The following RABGAP1L variants were observed in gnomAD, a reference collection of about 807,000 sequenced individuals.
RABGAP1L encodes the protein rab GTPase-activating protein 1-like.
Under a neutral mutation model 137.7 loss-of-function variants are expected in RABGAP1L, and 63 were observed. The observed-to-expected ratio is 0.46, with a 90% CI of 0.37 to 0.56. RABGAP1L has a LOEUF of 0.56. Among genes scored for constraint, RABGAP1L ranks in the 20% least tolerant of loss-of-function variants. The probability of loss-of-function intolerance (pLI) is 0.00; values close to 1 mark genes in which losing one functional copy is unlikely to be tolerated. For missense variants in RABGAP1L, 1,095 were observed against 1,244.0 expected, an observed-to-expected ratio of 0.88 and a Z score of 1.80; for synonymous variants, 431 against 433.7, an observed-to-expected ratio of 0.99 and a Z score of 0.08.
At chr1:174,460,338 T>G (rs1656537938) in intron 13 of RABGAP1L, among the ~76,000 whole-genome samples, 1 of 152,130 alleles carries the variant, frequency 6.6e-6, no homozygotes, top group African/African-American at 2.4e-5. Context: ...AAAAAGAGAC[T>G]AAATTACGCA....
At chr1:174,326,720 A>G (rs531538606) in intron 11 of RABGAP1L, among the ~76,000 whole-genome samples, 4 of 152,228 alleles carry the variant, frequency 2.6e-5, no homozygotes, top group East Asian at 1.9e-4. Flanking sequence ...AGATTTACCA[A>G]TCAGGTTTAA....
chr1:174,489,752 C>A (rs1266358312), intron 13 of RABGAP1L, among the ~76,000 whole-genome samples: 2 of 152,148 alleles, frequency 1.3e-5, no homozygotes, highest in Non-Finnish European at 2.9e-5. Flanking sequence ...CGCCACTATT[C>A]ACAATAGCAA....
intron 12 of RABGAP1L, among the ~76,000 whole-genome samples, chr1:174,380,427 T>C (rs1375117592): frequency 6.6e-6 from 1 of 151,326 alleles, no homozygotes; most frequent in Non-Finnish European, 1.5e-5. Flanking sequence ...CTGGACTCTT[T>C]TTGGTTGGTA....
intron 1 of RABGAP1L, 134 bp downstream of exon 1, chr1:174,159,791 G>A (rs1664263187): frequency 6.6e-6 from 1 of 152,430 alleles, no homozygotes; most frequent in Admixed American, 6.5e-5. Flanking sequence ...CGAGGACTGG[G>A]ATGCGGGAGG....
chr1:174,554,015 A>G (rs1414798161), intron 13 of RABGAP1L, among the ~76,000 whole-genome samples: 3 of 152,168 alleles, frequency 2.0e-5, no homozygotes, highest in Non-Finnish European at 4.4e-5. Flanking sequence ...GCATAGAATT[A>G]GAAGGAATTA....
chr1:174,477,541 T>C (rs533414684), intron 13 of RABGAP1L, among the ~76,000 whole-genome samples: 21 of 152,332 alleles, frequency 1.4e-4, no homozygotes, highest in African/African-American at 5.1e-4. Context: ...CATAATTTTC[T>C]GGTATTTGCT....
At chr1:174,922,999 C>T (rs1306245598) in intron 19 of RABGAP1L, among the ~76,000 whole-genome samples, 2 of 152,030 alleles carry the variant, frequency 1.3e-5, no homozygotes, top group Non-Finnish European at 2.9e-5. Context: ...CAGAGGGAGA[C>T]CTTGTCTCTA....
chr1:174,278,806 A>G lies in RABGAP1L; in HGVS notation c.1323+27A>G, dbSNP rs773006986. On this transcript the variant is annotated intron_variant, in intron 10 of 25. Coordinates refer to ENST00000681986, the MANE Select transcript of RABGAP1L (RefSeq NM_001366446.1). ...TAGGACCTTTTTGTTCTCTTCATAT[A>G]TAGTAACAAACATTTTTCTTTCCAC... 2.1e-5 allele frequency: 30 copies of G among 1,409,558 alleles called. No homozygotes were observed. In the Admixed American group the frequency reaches 5.1e-4, roughly 24 times the overall value. The allele number at this position is 1,409,558 out of a possible 1,614,324, so 87.3% of individuals were successfully genotyped here.
At chr1:174,838,453 A>G (rs1692986481) in intron 19 of RABGAP1L, among the ~76,000 whole-genome samples, 1 of 152,212 alleles carries the variant, frequency 6.6e-6, no homozygotes, top group South Asian at 2.1e-4. Context: ...CATTTGACCT[A>G]AAGCATTCAG....
intron 13 of RABGAP1L, among the ~76,000 whole-genome samples, chr1:174,398,498 C>A (rs953371908): frequency 7.9e-5 from 12 of 151,958 alleles, no homozygotes; most frequent in Non-Finnish European, 1.5e-5. Flanking sequence ...GAGGGGCCCA[C>A]CACAAATAAC....
chr1:174,493,820 T>TG (rs1239516243), intron 13 of RABGAP1L, among the ~76,000 whole-genome samples: 296 of 100,906 alleles, frequency 2.9e-3, no homozygotes, highest in African/African-American at 0.011. Flanking sequence ...AGACCCTGTC[T>TG]GAAAAAAAAA....
rs141035562 is a variant in RABGAP1L, at chr1:174,162,437, G to T, written c.-34+2780G>T. On this transcript the variant is annotated intron_variant, in intron 1 of 25. Coordinates refer to ENST00000681986, the MANE Select transcript of RABGAP1L (RefSeq NM_001366446.1). ...CAAGTAAAAATATGTGTGGGAGATAGCTAGGCTTCAAGAGATTGACTTTGA... is the reference window on the plus strand; with the variant it reads ...CAAGTAAAAATATGTGTGGGAGATATCTAGGCTTCAAGAGATTGACTTTGA... Among the ~76,000 whole-genome samples the T allele has an allele frequency of 3.9e-3, 589 of 152,270 alleles. 4 individuals carry two copies. Among genetic ancestry groups the T allele is most frequent in the African/African-American group, 0.012 (508 of 41,542 alleles).
chr1:174,341,346 G>T (rs1681956326), intron 11 of RABGAP1L, among the ~76,000 whole-genome samples: 1 of 152,172 alleles, frequency 6.6e-6, no homozygotes, highest in South Asian at 2.1e-4. Flanking sequence ...TTGCTTGAAA[G>T]ATGAAGATTA....
intron 19 of RABGAP1L, among the ~76,000 whole-genome samples, chr1:174,926,786 C>T (rs1662908263): frequency 6.6e-6 from 1 of 151,948 alleles, no homozygotes; most frequent in Non-Finnish European, 1.5e-5. Flanking sequence ...GTTAAAAGGG[C>T]CATGACAGCT....
intron 13 of RABGAP1L, chr1:174,544,916 A>G (rs763319221): frequency 2.0e-5 from 4 of 195,290 alleles, no homozygotes; most frequent in Admixed American, 5.1e-5. Flanking sequence ...GCTGCAGAAC[A>G]GCAAATATTG....
chr1:174,973,972 G>GTTTTTTTTTTTTT (rs1558297301), intron 21 of RABGAP1L, among the ~76,000 whole-genome samples: 1 of 94,232 alleles, frequency 1.1e-5, no homozygotes, highest in African/African-American at 4.8e-5. Context: ...CAGTACAATT[G>GTTTTTTTTTTTTT]TTTTTTGTTT....
chr1:174,268,248 G>A (rs1183494607), intron 7 of RABGAP1L, among the ~76,000 whole-genome samples: 1 of 148,650 alleles, frequency 6.7e-6, no homozygotes, highest in Non-Finnish European at 1.5e-5. Context: ...TGCCCAGGCT[G>A]GAGTGCACTG....
At chr1:174,222,369 A>C (rs1297002850) in intron 3 of RABGAP1L, among the ~76,000 whole-genome samples, 1 of 152,222 alleles carries the variant, frequency 6.6e-6, no homozygotes, top group African/African-American at 2.4e-5. Flanking sequence ...GGTATAGCCA[A>C]ACTGTTACAC....
At chr1:174,654,600 G>A (rs528346913) in intron 14 of RABGAP1L, among the ~76,000 whole-genome samples, 1 of 152,088 alleles carries the variant, frequency 6.6e-6, no homozygotes, top group African/African-American at 2.4e-5. Context: ...TCAGTTAGTA[G>A]TTTACTTGTA....
Sources: gnomAD v4.1 joint callset for allele counts (sites outside exome capture counted in the v4.1 genomes callset) on GRCh38, gnomAD v4.1.1 for gene constraint, MANE v1.5 for transcripts, NCBI Gene and HGNC (gene_info 2026-07-23, HGNC 2026-07-21) for gene names.